Variants in CADM2 observed in about 807,000 individuals in gnomAD.
CADM2 encodes the protein immunoglobulin superfamily member 4D.
In CADM2, 12 loss-of-function variants were observed where a neutral mutation model predicts 49.8. The ratio of observed to expected loss-of-function variants is 0.24; its 90% confidence interval spans 0.15 to 0.39. The LOEUF (loss-of-function observed/expected upper bound fraction) is 0.39. Ranked by LOEUF, CADM2 falls within the 10% of genes least tolerant of loss-of-function variation. The pLI, the probability that CADM2 is intolerant of heterozygous loss-of-function variation, is 1.00. For missense variants in CADM2, 378 were observed against 492.3 expected, an observed-to-expected ratio of 0.77 and a Z score of 2.20; for synonymous variants, 214 against 175.4, an observed-to-expected ratio of 1.22 and a Z score of -1.74.
chr3:85,086,364 T>C (rs1444942029), intron 1 of CADM2, among the ~76,000 whole-genome samples: 1 of 151,950 alleles, frequency 6.6e-6, no homozygotes. Flanking sequence ...TCCATGCCTC[T>C]CCCTGTCTCC....
intron 1 of CADM2, among the ~76,000 whole-genome samples, chr3:85,487,725 TGTGTGTGTGTGTGCGTGTGTGC>T (rs2039485836): frequency 6.6e-6 from 1 of 151,104 alleles, no homozygotes; most frequent in African/African-American, 2.4e-5. Flanking sequence ...AATAAACCTC[TGTGTGTGTGTGTGCGTGTGTGC>T]GTGTGTGTGC....
chr3:85,449,690 G>A (rs2037663367), intron 1 of CADM2, among the ~76,000 whole-genome samples: 1 of 151,774 alleles, frequency 6.6e-6, no homozygotes, highest in Non-Finnish European at 1.5e-5. Flanking sequence ...AAGTAAATGT[G>A]GAAAACAGAC....
At chr3:86,024,698 A>G (rs1020911214) in intron 8 of CADM2, among the ~76,000 whole-genome samples, 23 of 152,282 alleles carry the variant, frequency 1.5e-4, no homozygotes, top group African/African-American at 5.5e-4. Flanking sequence ...GCCTTTGGAA[A>G]TATTTCTGCC....
chr3:85,637,608 C>CA (rs200210729), intron 1 of CADM2, among the ~76,000 whole-genome samples: 142 of 68,924 alleles, frequency 2.1e-3, no homozygotes, highest in African/African-American at 5.9e-3. Context: ...GACTCCGTCT[C>CA]AAAAAAAAAA....
chr3:85,999,139 G>C (rs1417916323), intron 8 of CADM2, among the ~76,000 whole-genome samples: 1 of 152,006 alleles, frequency 6.6e-6, no homozygotes, highest in African/African-American at 2.4e-5. Flanking sequence ...GAAATTCTTA[G>C]CAATTACAGC....
intron 1 of CADM2, among the ~76,000 whole-genome samples, chr3:85,605,363 G>T (rs924435277): frequency 6.6e-6 from 1 of 151,984 alleles, no homozygotes; most frequent in Non-Finnish European, 1.5e-5. Flanking sequence ...TAAGAGAGAA[G>T]AATTTTTAGA....
intron 1 of CADM2, among the ~76,000 whole-genome samples, chr3:85,321,168 C>A (rs538755080): frequency 1.1e-4 from 4 of 37,730 alleles, no homozygotes; most frequent in East Asian, 1.0e-3. Context: ...TTTTTTTTTG[C>A]GAGAGAGAGA....
At chr3:85,449,630 A>T (rs1211202981) in intron 1 of CADM2, among the ~76,000 whole-genome samples, 1 of 152,086 alleles carries the variant, frequency 6.6e-6, no homozygotes, top group African/African-American at 2.4e-5. Flanking sequence ...CTTACTCTCA[A>T]CATTGAATGT....
chr3:85,157,983 C>T lies in CADM2; in HGVS notation c.61+198315C>T, dbSNP rs1559695115. Among the ~76,000 whole-genome samples, 5 of 152,178 alleles carry T rather than the reference C, an allele frequency of 3.3e-5. No homozygotes were observed. The South Asian group carries it at 1.0e-3, about 32-fold the overall frequency. On this transcript the variant is annotated intron_variant, in intron 1 of 9. Coordinates refer to ENST00000383699, the MANE Select transcript of CADM2 (RefSeq NM_001167675.2). ...ATCCAGAATCTACAATGAACTCAAA[C>T]AAATTTACAAGAAAAAAACAAACAA...
At chr3:85,952,052 CA>C (rs1723492135) in intron 7 of CADM2, among the ~76,000 whole-genome samples, 1 of 149,922 alleles carries the variant, frequency 6.7e-6, no homozygotes, top group South Asian at 2.1e-4. Flanking sequence ...GCGAACTGAA[CA>C]AATAGAAGTT....
At chr3:85,552,987 T>G (rs895701483) in intron 1 of CADM2, among the ~76,000 whole-genome samples, 7 of 152,144 alleles carry the variant, frequency 4.6e-5, no homozygotes, top group Non-Finnish European at 8.8e-5. Context: ...TCTTAGTTTA[T>G]TTTTTAAAAA....
At chr3:85,347,809 T>TA (rs2030893454) in intron 1 of CADM2, among the ~76,000 whole-genome samples, 1 of 148,926 alleles carries the variant, frequency 6.7e-6, no homozygotes, top group Admixed American at 6.7e-5. Context: ...ATCCGCCAGT[T>TA]TTTTGTTTTT....
chr3:85,278,400 C>T (rs915001662), intron 1 of CADM2, among the ~76,000 whole-genome samples: 2 of 151,362 alleles, frequency 1.3e-5, no homozygotes, highest in African/African-American at 4.8e-5. Context: ...TGAAGTACAA[C>T]TCAGGACGCT....
At chr3:85,805,915 T>C (rs1239620011) in intron 3 of CADM2, among the ~76,000 whole-genome samples, 2 of 152,208 alleles carry the variant, frequency 1.3e-5, no homozygotes, top group Non-Finnish European at 2.9e-5. Context: ...CACTCTTCTT[T>C]CTGTCTCAGA....
At chr3:85,702,386 C>A (rs2066807968) in intron 1 of CADM2, among the ~76,000 whole-genome samples, 2 of 152,008 alleles carry the variant, frequency 1.3e-5, no homozygotes, top group African/African-American at 4.8e-5. Flanking sequence ...CTCTGTCATT[C>A]TTTGTCCTAT....
chr3:85,536,738 G>A (rs548912644), intron 1 of CADM2, among the ~76,000 whole-genome samples: 2 of 151,816 alleles, frequency 1.3e-5, no homozygotes, highest in African/African-American at 4.8e-5. Flanking sequence ...AAAAATAAAG[G>A]GAAGATTAAG....
chr3:85,491,440 C>A (rs894488805), intron 1 of CADM2, among the ~76,000 whole-genome samples: 1 of 152,022 alleles, frequency 6.6e-6, no homozygotes, highest in Non-Finnish European at 1.5e-5. Flanking sequence ...TCCTTCATTT[C>A]GTTTTTGCCA....
chr3:85,730,047 C>A (rs936429179), intron 2 of CADM2, among the ~76,000 whole-genome samples: 2 of 152,036 alleles, frequency 1.3e-5, no homozygotes, highest in African/African-American at 4.8e-5. Flanking sequence ...TTTGAAATAC[C>A]TTTAACTTCT....
rs201115680 is a variant in CADM2, at chr3:85,020,310, T to C, written c.61+60642T>C. 1.9e-4 allele frequency among the ~76,000 whole-genome samples: 29 copies of C among 152,278 alleles called. No individual in the cohort carries two copies. The East Asian group carries it at 5.4e-3, about 28-fold the overall frequency. On this transcript the variant is annotated intron_variant, in intron 1 of 9. Transcript: ENST00000383699. ...AGTTAAGTATTTAACAGACATTTGC[T>C]TTAGGATTAGATAAGAAATGCTTTC...
Sources: allele counts gnomAD v4.1 joint callset (sites outside exome capture counted in the v4.1 genomes callset), GRCh38; gene constraint gnomAD v4.1.1; transcripts MANE v1.5; gene names NCBI Gene and HGNC (gene_info 2026-07-23, HGNC 2026-07-21).